ZC3H4: variants seen among roughly 807,000 people sequenced by gnomAD.
The protein encoded by ZC3H4 is zinc finger CCCH-type containing 4, also known as zinc finger CCCH domain-containing protein 4.
ZC3H4 carries 13 observed loss-of-function variants against 108.3 expected under a neutral mutation model. The ratio of observed to expected loss-of-function variants is 0.12; its 90% CI spans 0.08 to 0.19. The LOEUF (loss-of-function observed/expected upper bound fraction) is 0.19, where lower values mean the gene tolerates loss of function less well. Ranked by LOEUF, ZC3H4 falls within the 10% of genes least tolerant of loss-of-function variation. ZC3H4 has a pLI of 1.00. For missense variants in ZC3H4, 1,734 were observed against 1,838.8 expected, an observed-to-expected ratio of 0.94 and a Z score of 1.04; for synonymous variants, 917 against 749.6, an observed-to-expected ratio of 1.22 and a Z score of -3.65.
chr19:47,087,167 T>C (rs1421295748), intron 5 of ZC3H4, among the ~76,000 whole-genome samples: 4 of 151,454 alleles, frequency 2.6e-5, no homozygotes. Flanking sequence ...TCCCAGTTAC[T>C]CAGGAGGCTC....
intron 1 of ZC3H4, among the ~76,000 whole-genome samples, chr19:47,113,017 G>A (rs1030430259): frequency 7.9e-5 from 12 of 152,366 alleles, no homozygotes; most frequent in African/African-American, 2.6e-4. Context: ...GAGGGAGAGA[G>A]GGAACGGGCC....
chr19:47,079,094 ATC>A (rs2057474256), intron 11 of ZC3H4, among the ~76,000 whole-genome samples: 1 of 144,880 alleles, frequency 6.9e-6, no homozygotes, highest in Non-Finnish European at 1.5e-5. Flanking sequence ...CAATGGCACG[ATC>A]TCAGCTCACC....
Position 47,082,180 on chromosome 19 carries a change from A to G in ZC3H4, c.1330+4T>C, listed in dbSNP as rs767753953. On this transcript the variant is annotated splice_donor_region_variant and intron_variant, in intron 10 of 14. Coordinates refer to ENST00000253048, the MANE Select transcript of ZC3H4 (RefSeq NM_015168.2). ...TCAGACCAGATGCTGGCACTAAAGGATATCGTGCATATAAGGGCAGTTCTC... is the reference window on the plus strand; with the variant it reads ...TCAGACCAGATGCTGGCACTAAAGGGTATCGTGCATATAAGGGCAGTTCTC... 2.5e-6 allele frequency: 4 copies of G among 1,609,410 alleles called. No homozygotes were observed. Among genetic ancestry groups the G allele is most frequent in the African/African-American group, 1.3e-5 (1 of 74,852 alleles).
intron 2 of ZC3H4, among the ~76,000 whole-genome samples, chr19:47,109,499 G>C (rs186320157): frequency 1.3e-5 from 2 of 152,176 alleles, no homozygotes; most frequent in Admixed American, 6.6e-5. Flanking sequence ...CAAAGGATGG[G>C]AAACTTCAAA....
chr19:47,072,337 G>A lies in ZC3H4; in HGVS notation c.1802+15C>T, dbSNP rs749115982. 17 of 1,610,932 alleles carry A rather than the reference G, an allele frequency of 1.1e-5. No individual in the cohort carries two copies. Among genetic ancestry groups the A allele is most frequent in the Admixed American group, 1.0e-4 (6 of 59,748 alleles). On this transcript the variant is annotated intron_variant, in intron 12 of 14. Coordinates refer to ENST00000253048, the MANE Select transcript of ZC3H4 (RefSeq NM_015168.2). This position sits in a 1 kb window ranked among gnomAD's most constrained non-coding sequence, Gnocchi z 5.6. ...ACAGCGCCCACTGCCTGTCACGGGG[G>A]TCCAGGGCACTCACCTCACACCCAG...
rs1004659557 is a variant in ZC3H4 at position 47,069,000 on chromosome 19, G to C, written c.2398+92C>G. 3 of 1,578,654 alleles carry C rather than the reference G, an allele frequency of 1.9e-6. No individual in the cohort carries two copies. The African/African-American group carries it at 4.0e-5, about 21-fold the overall frequency. On this transcript the variant is annotated intron_variant, in intron 14 of 14. Transcript: ENST00000253048. Reference sequence around the variant, plus strand: ...CCTCCCTAGCCATGGGCTCCTTCCTGACAGGAAACCCAACCTGGAACACCC... The same window carrying C: ...CCTCCCTAGCCATGGGCTCCTTCCTCACAGGAAACCCAACCTGGAACACCC...
intron 2 of ZC3H4, among the ~76,000 whole-genome samples, chr19:47,104,310 CTCTG>C (rs1245464544): frequency 6.6e-6 from 1 of 152,036 alleles, no homozygotes; most frequent in Non-Finnish European, 1.5e-5. Flanking sequence ...CAGAGTAAGA[CTCTG>C]TCTAAAATAA....
chr19:47,081,668 C>T, intron 10 of ZC3H4, 46 bp from the exon 11 acceptor site: 3 of 1,511,522 alleles, frequency 2.0e-6, no homozygotes, highest in Non-Finnish European at 2.8e-6. Context: ...AGAACGCCCC[C>T]CTCCCCCACC....
Position 47,090,090 on chromosome 19 carries a change from T to G in ZC3H4, c.592A>C (p.Asn198His). The G allele has an allele frequency of 6.2e-6, 10 of 1,614,198 alleles. No individual in the cohort carries two copies. The highest frequency in any genetic ancestry group is 8.5e-6 in the Non-Finnish European group (10 of 1,180,030). ...KSYGMYEDYE[N>H]EQYGEYEGDE... ...CCCTCATATTCCCCATACTGCTCAT[T>G]CTCGTAGTCCTCGTACATGCCATAA... The change falls in exon 5 of 15, where the codon AAT (asparagine) becomes CAT (histidine). Residue 198 changes from asparagine to histidine, a missense_variant. By Grantham distance (68) the Asn-to-His change is moderately conservative. Coordinates refer to ENST00000253048, the MANE Select transcript of ZC3H4 (RefSeq NM_015168.2).
intron 2 of ZC3H4, among the ~76,000 whole-genome samples, chr19:47,095,501 T>C (rs1410433000): frequency 6.6e-6 from 1 of 152,036 alleles, no homozygotes; most frequent in East Asian, 1.9e-4. Flanking sequence ...CACCTCCAGA[T>C]AGTGGAACCC....
chr19:47,096,299 C>CA (rs2057819007), intron 2 of ZC3H4, among the ~76,000 whole-genome samples: 1 of 152,246 alleles, frequency 6.6e-6, no homozygotes, highest in East Asian at 1.9e-4. Context: ...GACCCATGTG[C>CA]ACCTTGTGTT....
intron 5 of ZC3H4, 114 bp from the exon 6 acceptor site, chr19:47,086,652 T>TCTC (rs535318899): frequency 0.012 from 16,677 of 1,383,190 alleles, 106 homozygotes; most frequent in Non-Finnish European, 0.014. Context: ...TCCTCCTCCT[T>TCTC]CTCCTCCTCC....
At chr19:47,098,185 G>C (rs1303244666) in intron 2 of ZC3H4, among the ~76,000 whole-genome samples, 1 of 152,196 alleles carries the variant, frequency 6.6e-6, no homozygotes, top group Non-Finnish European at 1.5e-5. Flanking sequence ...CCACGGACTT[G>C]GCAAAAACAG....
intron 14 of ZC3H4, 121 bp downstream of exon 14, chr19:47,068,971 G>A: frequency 1.9e-6 from 3 of 1,543,146 alleles, no homozygotes; most frequent in Non-Finnish European, 2.6e-6. Flanking sequence ...CCCTGGACAG[G>A]GGTCCTCCCT....
At chr19:47,105,600 A>G (rs753650494) in intron 2 of ZC3H4, among the ~76,000 whole-genome samples, 3 of 152,168 alleles carry the variant, frequency 2.0e-5, no homozygotes, top group Non-Finnish European at 4.4e-5. Flanking sequence ...TTCTGTCTCA[A>G]AACAACACAA....
chr19:47,113,126 G>A (rs2058062397), intron 1 of ZC3H4: 1 of 152,600 alleles, frequency 6.6e-6, no homozygotes, highest in African/African-American at 2.4e-5. Flanking sequence ...TGGCGGCTCG[G>A]CCCGAACCAG....
intron 2 of ZC3H4, among the ~76,000 whole-genome samples, chr19:47,111,278 GGAAACGGGGCCCCAACCTCGCCCT>G (rs2058035483): frequency 6.6e-6 from 1 of 152,220 alleles, no homozygotes; most frequent in Admixed American, 6.5e-5. Flanking sequence ...AGCAGGGGAA[GGAAACGGGGCCCCAACCTCGCCCT>G]GAAACGCGCC....
At chr19:47,099,259 A>G (rs1487950853) in intron 2 of ZC3H4, among the ~76,000 whole-genome samples, 9 of 152,140 alleles carry the variant, frequency 5.9e-5, no homozygotes, top group Non-Finnish European at 1.3e-4. Flanking sequence ...CGGGAGTTCA[A>G]GACCAGCCTG....
intron 2 of ZC3H4, among the ~76,000 whole-genome samples, chr19:47,099,147 A>G (rs999888371): frequency 1.1e-4 from 17 of 152,200 alleles, no homozygotes; most frequent in African/African-American, 3.4e-4. Flanking sequence ...CTAAGTGGGA[A>G]GCATGTTCTC....
Sources: allele counts gnomAD v4.1 joint callset (sites outside exome capture counted in the v4.1 genomes callset), GRCh38; gene constraint gnomAD v4.1.1; non-coding constraint Gnocchi (gnomAD v3.1); transcripts MANE v1.5; gene names NCBI Gene and HGNC (gene_info 2026-07-23, HGNC 2026-07-21).